The following PLLP variants were observed in gnomAD, a reference collection of about 807,000 sequenced individuals.
The protein encoded by PLLP is plasmolipin.
In PLLP, 15 loss-of-function variants were observed where a neutral mutation model predicts 19.7. The ratio of observed to expected loss-of-function variants is 0.76; its 90% CI spans 0.51 to 1.17. PLLP has a LOEUF of 1.17. PLLP is among the 50% of genes most tolerant of loss of function. PLLP has a pLI of 0.00. For synonymous variants in PLLP, 111 were observed against 116.3 expected (o/e 0.95, Z 0.29); for missense variants, 255 against 258.3 (o/e 0.99, Z 0.09).
intron 1 of PLLP, among the ~76,000 whole-genome samples, chr16:57,278,016 C>T (rs1490713375): frequency 6.6e-6 from 1 of 152,032 alleles, no homozygotes; most frequent in Non-Finnish European, 1.5e-5. Context: ...TACTCCACAA[C>T]AGTTTACAAG....
intron 3 of PLLP, among the ~76,000 whole-genome samples, chr16:57,257,636 G>C (rs2075430025): frequency 6.6e-6 from 1 of 152,178 alleles, no homozygotes; most frequent in South Asian, 2.1e-4. Context: ...GATCCTGGGA[G>C]GAGATGGTGT....
intron 1 of PLLP, among the ~76,000 whole-genome samples, chr16:57,280,130 C>A (rs1241669843): frequency 1.3e-5 from 2 of 152,164 alleles, no homozygotes; most frequent in African/African-American, 4.8e-5. Context: ...TGCAGTCCCC[C>A]TTTTCCCCCT....
chr16:57,266,922 T>TC (rs1261896164), intron 1 of PLLP, among the ~76,000 whole-genome samples: 1 of 151,568 alleles, frequency 6.6e-6, no homozygotes, highest in African/African-American at 2.4e-5. Context: ...ATTAGGAACT[T>TC]TTTTTTACAT....
chr16:57,269,242 T>C (rs1012494933), intron 1 of PLLP, among the ~76,000 whole-genome samples: 24 of 152,172 alleles, frequency 1.6e-4, no homozygotes, highest in African/African-American at 5.5e-4. Flanking sequence ...AAGGGAGGGG[T>C]TTGACCAACC....
At chr16:57,259,906 G>A (rs1219151456) in intron 2 of PLLP, among the ~76,000 whole-genome samples, 1 of 151,902 alleles carries the variant, frequency 6.6e-6, no homozygotes, top group East Asian at 1.9e-4. Flanking sequence ...GAACCTGGGA[G>A]GCAGGGGTTG....
At chr16:57,276,656 C>T (rs1421604396) in intron 1 of PLLP, among the ~76,000 whole-genome samples, 3 of 151,340 alleles carry the variant, frequency 2.0e-5, no homozygotes, top group Non-Finnish European at 4.4e-5. Flanking sequence ...TCATTTTGGT[C>T]TATTCGATTG....
chr16:57,260,486 G>A (rs117773300), intron 2 of PLLP, among the ~76,000 whole-genome samples: 5,279 of 152,190 alleles, frequency 0.035, 105 homozygotes, highest in Middle Eastern at 0.11. Flanking sequence ...CCCTGCAAAC[G>A]CTGCCTGTTT....
chr16:57,264,353 G>C (rs75104852), intron 1 of PLLP, among the ~76,000 whole-genome samples: 1 of 152,238 alleles, frequency 6.6e-6, no homozygotes, highest in Non-Finnish European at 1.5e-5. Flanking sequence ...CTGTGTGGCT[G>C]TGTGATGCTG....
intron 1 of PLLP, among the ~76,000 whole-genome samples, chr16:57,276,356 C>G (rs1472170086): frequency 6.6e-6 from 1 of 152,208 alleles, no homozygotes; most frequent in Non-Finnish European, 1.5e-5. Context: ...CTTTGGAAGG[C>G]TGAAGCAGGC....
At chr16:57,276,591 CAAAA>C (rs34532075) in intron 1 of PLLP, among the ~76,000 whole-genome samples, 3 of 107,886 alleles carry the variant, frequency 2.8e-5, no homozygotes. Flanking sequence ...GACTCTGTCT[CAAAA>C]AAAAAAAAAA....
chr16:57,267,854 A>G (rs773926807), intron 1 of PLLP, among the ~76,000 whole-genome samples: 37 of 151,024 alleles, frequency 2.4e-4, no homozygotes, highest in Middle Eastern at 3.4e-3. Flanking sequence ...CAGCCTGGGC[A>G]ACAAGAGCGA....
intron 1 of PLLP, among the ~76,000 whole-genome samples, chr16:57,281,747 G>A (rs564780462): frequency 4.6e-5 from 7 of 152,080 alleles, no homozygotes; most frequent in East Asian, 3.9e-4. Context: ...TCCTGACCTC[G>A]TGATCTGCCC....
intron 1 of PLLP, among the ~76,000 whole-genome samples, chr16:57,273,406 G>A (rs983979580): frequency 3.3e-5 from 5 of 152,166 alleles, no homozygotes; most frequent in Non-Finnish European, 5.9e-5. Flanking sequence ...TTCCCTAGCA[G>A]CTCAGGATTT....
Position 57,283,110 on chromosome 16 carries a change from A to G in PLLP, c.135+1296T>C, listed in dbSNP as rs1207122840. On this transcript the variant is annotated intron_variant, in intron 1 of 3. Transcript: ENST00000219207. ...TTCTCCCCTTCTCCCCCACCCCCCA[A>G]AAGAGAAACAAACAAAAAACTCTGG... Among the ~76,000 whole-genome samples the G allele has an allele frequency of 5.9e-5, 9 of 152,082 alleles. 1 individual carries two copies. Among genetic ancestry groups the G allele is most frequent in the Admixed American group, 5.9e-4 (9 of 15,266 alleles).
chr16:57,266,137 C>CA (rs2075456464), intron 1 of PLLP, among the ~76,000 whole-genome samples: 1 of 152,180 alleles, frequency 6.6e-6, no homozygotes, highest in African/African-American at 2.4e-5. Context: ...GAGGACACTT[C>CA]AGCTGGCTCT....
intron 1 of PLLP, among the ~76,000 whole-genome samples, chr16:57,270,834 T>C (rs950194337): frequency 1.3e-5 from 2 of 152,132 alleles, no homozygotes; most frequent in African/African-American, 4.8e-5. Flanking sequence ...CCAGATCCAC[T>C]AGACCTGGGC....
At chr16:57,275,506 C>T (rs536957776) in intron 1 of PLLP, among the ~76,000 whole-genome samples, 9 of 151,524 alleles carry the variant, frequency 5.9e-5, no homozygotes, top group African/African-American at 2.2e-4. Context: ...TTAATACATT[C>T]CAGACAGATA....
In PLLP at chr16:57,258,531, G is replaced by A; in HGVS notation, c.363C>T (p.Ala121=). ...ATVLYITAFI[A]CSAAVDLTSL... is the part of the protein sequence containing the mutation. ...ATGTCAGGTCAACTGCCGCAGAGCAGGCGATGAAGGCGGTGATGTAGAGAA... is the reference window on the plus strand; with the variant it reads ...ATGTCAGGTCAACTGCCGCAGAGCAAGCGATGAAGGCGGTGATGTAGAGAA... The change falls in exon 3 of 4, where the codon GCC becomes GCT. Residue 121 remains alanine (A), a synonymous_variant. Transcript: ENST00000219207. 1 of 1,613,478 alleles carries A rather than the reference G, an allele frequency of 6.2e-7. No individual in the cohort carries two copies.
chr16:57,277,278 G>GT (rs1224581859), intron 1 of PLLP, among the ~76,000 whole-genome samples: 2 of 152,218 alleles, frequency 1.3e-5, no homozygotes, highest in Non-Finnish European at 2.9e-5. Flanking sequence ...CTTGAGCATT[G>GT]TAAATACATT....
Sources: gnomAD v4.1 joint callset for allele counts (sites outside exome capture counted in the v4.1 genomes callset) on GRCh38, gnomAD v4.1.1 for gene constraint, MANE v1.5 for transcripts, NCBI Gene and HGNC (gene_info 2026-07-23, HGNC 2026-07-21) for gene names.